Variants in ERLIN2 observed in about 807,000 individuals in gnomAD.
ERLIN2 encodes erlin-2.
Under a neutral mutation model 41.5 loss-of-function variants are expected in ERLIN2, and 22 were observed. The observed-to-expected ratio is 0.53, with a 90% CI of 0.38 to 0.76. The LOEUF (loss-of-function observed/expected upper bound fraction) is 0.76, where lower values mean the gene tolerates loss of function less well. ERLIN2 is among the 30% of genes least tolerant of loss of function. The pLI is 0.00. For synonymous variants in ERLIN2, 149 were observed against 150.9 expected, an observed-to-expected ratio of 0.99 and a Z score of 0.09; for missense variants, 247 against 414.3, an observed-to-expected ratio of 0.60 and a Z score of 3.51.
intron 6 of ERLIN2, among the ~76,000 whole-genome samples, chr8:37,748,185 C>A (rs1803121516): frequency 6.6e-6 from 1 of 152,242 alleles, no homozygotes. Context: ...AAAAGTATTT[C>A]TTTCACATTT....
intron 1 of ERLIN2, chr8:37,737,041 G>A: frequency 2.1e-6 from 2 of 960,844 alleles, no homozygotes; most frequent in Non-Finnish European, 2.5e-6. Flanking sequence ...TCCGCGCCCC[G>A]GTTACGTTAG....
intron 6 of ERLIN2, chr8:37,746,067 A>T (rs1362005099): frequency 2.0e-6 from 2 of 996,430 alleles, no homozygotes; most frequent in African/African-American, 1.7e-5. Context: ...AGCTGCTTGT[A>T]TGGAGGAGCT....
chr8:37,750,035 G>A (rs961360876), intron 8 of ERLIN2, 183 bp downstream of exon 8: 1 of 690,896 alleles, frequency 1.4e-6, no homozygotes, highest in Non-Finnish European at 2.6e-6. Context: ...CTCCCTACCT[G>A]TGATTGAGAA....
chr8:37,742,618 C>CACATGGAGGGG (rs1802890591), intron 4 of ERLIN2, among the ~76,000 whole-genome samples: 2 of 151,992 alleles, frequency 1.3e-5, no homozygotes, highest in Admixed American at 1.3e-4. Context: ...AACACATGGA[C>CACATGGAGGGG]ACATGGAGGG....
At chr8:37,752,132 T>A (rs1803231478) in intron 10 of ERLIN2, among the ~76,000 whole-genome samples, 1 of 152,190 alleles carries the variant, frequency 6.6e-6, no homozygotes, top group Admixed American at 6.5e-5. Flanking sequence ...GGGCTCAAAG[T>A]CTGTTCTCCA....
At chr8:37,753,867 C>T (rs1803290883) in intron 11 of ERLIN2, 48 bp from the exon 12 acceptor site, 1 of 1,546,728 alleles carries the variant, frequency 6.5e-7, no homozygotes. Context: ...CCCTCCTTCT[C>T]TAATATGGTT....
intron 6 of ERLIN2, chr8:37,746,437 T>C (rs1457087709): frequency 1.2e-5 from 12 of 985,286 alleles, no homozygotes; most frequent in Non-Finnish European, 1.3e-5. Flanking sequence ...GATAAAAACA[T>C]GGATACAAAC....
chr8:37,737,501 A>G (rs1002119592), intron 1 of ERLIN2: 1 of 250,024 alleles, frequency 4.0e-6, no homozygotes, highest in East Asian at 9.9e-5. Context: ...CATAGCCACA[A>G]CTGCCTGTCA....
At chr8:37,745,892 CTAGCCATTGTCT>C in intron 6 of ERLIN2, 1 of 1,231,786 alleles carries the variant, frequency 8.1e-7, no homozygotes, top group South Asian at 2.2e-5. Flanking sequence ...TTAATTTTCT[CTAGCCATTGTCT>C]TAGGACTTGT....
Position 37,750,479 on chromosome 8 carries a change from G to A in ERLIN2, c.642G>A (p.Ala214=), listed in dbSNP as rs763446389. ...EKEAETERKK[A]LIEAEKVAQV... ...AAGCAGAGACAGAGCGGAAGAAGGC[G>A]CTCATTGGTCTGAATGTGGTTCTGT... Residue 214 remains alanine (A), a synonymous_variant, in exon 9 of 12, where the codon GCG becomes GCA. Transcript: ENST00000519638. The A allele has an allele frequency of 7.4e-6, 12 of 1,612,302 alleles. No homozygotes were observed. The highest frequency in any genetic ancestry group is 5.0e-5 in the Admixed American group (3 of 60,006).
rs142881441 is a variant in ERLIN2 at position 37,749,073 on chromosome 8, T to A, written c.425-486T>A. Among the ~76,000 whole-genome samples, 592 of 152,314 alleles carry A rather than the reference T, an allele frequency of 3.9e-3. 6 individuals carry two copies. The highest frequency in any genetic ancestry group is 0.014 in the African/African-American group (567 of 41,564). ...GGGCTCTCCTTGACGTCAAAGTCTG[T>A]TTTTCTTTTAGAAACTTCTAAAATT... On this transcript the variant is annotated intron_variant, in intron 6 of 11. Coordinates refer to ENST00000519638, the MANE Select transcript of ERLIN2 (RefSeq NM_007175.8).
intron 10 of ERLIN2, among the ~76,000 whole-genome samples, chr8:37,753,151 GCTTT>G (rs1476105880): frequency 1.1e-4 from 17 of 152,232 alleles, no homozygotes; most frequent in Non-Finnish European, 2.1e-4. Flanking sequence ...GGCTAACAGT[GCTTT>G]CTTCCATAGT....
In ERLIN2 at chr8:37,741,893, A is replaced by G; in HGVS notation, c.236+75A>G. On this transcript the variant is annotated intron_variant, in intron 4 of 11. Coordinates refer to ENST00000519638, the MANE Select transcript of ERLIN2 (RefSeq NM_007175.8). The surrounding 1 kb of genome is among the most constrained non-coding windows in gnomAD (Gnocchi z 4.8). Reference sequence around the variant, plus strand: ...GCTGTCTGGCTGGTTGCAGGAAGAGACAGTGAAAAGGGAGGCACCCTTTCT... The same window carrying G: ...GCTGTCTGGCTGGTTGCAGGAAGAGGCAGTGAAAAGGGAGGCACCCTTTCT... The G allele has an allele frequency of 8.1e-7, 1 of 1,229,700 alleles. No individual in the cohort carries two copies. The allele number at this position is 1,229,700 out of a possible 1,614,324, so 76.2% of individuals were successfully genotyped here. A position where few individuals can be genotyped will look rare whatever the true frequency, so the allele number is the denominator to read the frequency against.
chr8:37,744,425 T>C lies in ERLIN2; in HGVS notation c.298+9T>C. 1 of 1,613,544 alleles carries C rather than the reference T, an allele frequency of 6.2e-7. No homozygotes were observed. Among genetic ancestry groups the C allele is most frequent in the Non-Finnish European group, 8.5e-7 (1 of 1,179,444 alleles). On this transcript the variant is annotated intron_variant, in intron 5 of 11. Coordinates refer to ENST00000519638, the MANE Select transcript of ERLIN2 (RefSeq NM_007175.8). ...CCTGGTCCCGAACGCAGGTACGTCT[T>C]AACAGTTTATTCCCACCACCAGCTC...
At chr8:37,736,929 G>A (rs924987010) in intron 1 of ERLIN2, 53 of 985,972 alleles carry the variant, frequency 5.4e-5, no homozygotes, top group Non-Finnish European at 6.4e-5. Flanking sequence ...GGCGGGGAAG[G>A]GGCGCGAGTG....
At position 37,755,139 on chromosome 8, in the gene ERLIN2, A is replaced by G. The variant is rs914702527; in HGVS notation, c.*1024A>G. ...GGGAGTGGGTCTGACTTAGTGATAAAAGGACTCTATTCACTAAGTAGCCTG... is the reference window on the plus strand; with the variant it reads ...GGGAGTGGGTCTGACTTAGTGATAAGAGGACTCTATTCACTAAGTAGCCTG... On this transcript the variant is annotated 3_prime_UTR_variant, in exon 12 of 12. Transcript: ENST00000519638. The G allele has an allele frequency of 7.9e-5, 12 of 152,380 alleles. No individual in the cohort carries two copies. The highest frequency in any genetic ancestry group is 2.9e-4 in the African/African-American group (12 of 41,584). The allele number at this position is 152,380 out of a possible 1,614,324, so 9.4% of individuals were successfully genotyped here.
chr8:37,749,551 T>C lies in ERLIN2; in HGVS notation c.425-8T>C, dbSNP rs966254756. The C allele has an allele frequency of 2.5e-6, 4 of 1,606,488 alleles. No individual in the cohort carries two copies. The African/African-American group carries it at 5.4e-5, about 21-fold the overall frequency. On this transcript the variant is annotated splice_polypyrimidine_tract_variant and splice_region_variant and intron_variant, in intron 6 of 11. Transcript: ENST00000519638. ...AACTCCTTTTTCTCCATCTTTTCTT[T>C]ATTCCAGATCAGATTGATGAAAATC...
chr8:37,751,606 C>T lies in ERLIN2; in HGVS notation c.650-20C>T. 1.3e-6 allele frequency: 2 copies of T among 1,592,898 alleles called. No homozygotes were observed. Among genetic ancestry groups the T allele is most frequent in the South Asian group, 1.1e-5 (1 of 90,594 alleles). ...AACTCTGAAATGCCAGAACCGTAAT[C>T]CTCACTATCATTTATTCAGAGGCAG... On this transcript the variant is annotated intron_variant, in intron 9 of 11. Transcript: ENST00000519638.
Position 37,751,630 on chromosome 8 carries a change from A to T in ERLIN2, c.654A>T (p.Ala218=), listed in dbSNP as rs763247155. ...TCCTCACTATCATTTATTCAGAGGC[A>T]GAAAAAGTGGCCCAGGTGGCTGAGA... ...ETERKKALIE[A]EKVAQVAEIT... is the part of the protein sequence containing the mutation. Residue 218 remains alanine (A), a synonymous_variant, in exon 10 of 12, where the codon GCA becomes GCT. Coordinates refer to ENST00000519638, the MANE Select transcript of ERLIN2 (RefSeq NM_007175.8). 2 of 1,612,584 alleles carry T rather than the reference A, an allele frequency of 1.2e-6. No homozygotes were observed. The highest frequency in any genetic ancestry group is 1.7e-6 in the Non-Finnish European group (2 of 1,178,560).
Sources: gnomAD v4.1 joint callset for allele counts (sites outside exome capture counted in the v4.1 genomes callset) on GRCh38, gnomAD v4.1.1 for gene constraint, Gnocchi (gnomAD v3.1) non-coding constraint, MANE v1.5 for transcripts, NCBI Gene and HGNC (gene_info 2026-07-23, HGNC 2026-07-21) for gene names.